The following SELENOI variants were observed in gnomAD, a reference collection of about 807,000 sequenced individuals.
The protein encoded by SELENOI is ethanolaminephosphotransferase 1.
A neutral mutation model predicts 50.7 loss-of-function variants in SELENOI; 24 were observed. The observed-to-expected ratio is 0.47, with a 90% CI of 0.34 to 0.67. The LOEUF is 0.67. Ranked by LOEUF, SELENOI falls within the 30% of genes least tolerant of loss-of-function variation. The pLI is 0.01. For missense variants in SELENOI, 352 were observed against 461.4 expected (o/e 0.76, Z 2.17); for synonymous variants, 155 against 170.2 (o/e 0.91, Z 0.70).
intron 1 of SELENOI, among the ~76,000 whole-genome samples, chr2:26,348,518 CA>C (rs1355101984): frequency 3.9e-5 from 6 of 152,190 alleles, no homozygotes; most frequent in Non-Finnish European, 7.3e-5. Context: ...AACTATAAGA[CA>C]ATTGATTTTT....
intron 4 of SELENOI, among the ~76,000 whole-genome samples, chr2:26,371,769 G>A (rs1422616733): frequency 2.0e-5 from 3 of 152,242 alleles, no homozygotes; most frequent in Admixed American, 6.5e-5. Flanking sequence ...GCTGAGGCAG[G>A]AGAATCAGGC....
rs1024709702 is a variant in SELENOI at position 26,391,405 on chromosome 2, T to C, written c.*2302T>C. The C allele has an allele frequency of 4.6e-5, 7 of 152,350 alleles. No homozygotes were observed. The East Asian group carries it at 5.8e-4, about 13-fold the overall frequency. The allele number at this position is 152,350 out of a possible 1,614,324, so 9.4% of individuals were successfully genotyped here. ...AGCCCCCATTTGTTGTGTAGAGATA[T>C]AGCAGCTGAAGCAGGACTTCATTCC... On this transcript the variant is annotated 3_prime_UTR_variant, in exon 10 of 10. Transcript: ENST00000260585.
intron 1 of SELENOI, among the ~76,000 whole-genome samples, chr2:26,348,740 A>G (rs1339236042): frequency 6.6e-6 from 1 of 150,808 alleles, no homozygotes; most frequent in African/African-American, 2.4e-5. Context: ...GCACAGTACC[A>G]TGAACAGAGT....
chr2:26,351,062 T>TG (rs199750690), intron 1 of SELENOI, among the ~76,000 whole-genome samples: 12,783 of 147,800 alleles, frequency 0.086, 1,665 homozygotes, highest in East Asian at 0.6. Flanking sequence ...TTTGTTTTTT[T>TG]TTTTTTTTTT....
chr2:26,389,303 A>G lies in SELENOI; in HGVS notation c.*200A>G, dbSNP rs1677912747. 5 of 495,930 alleles carry G rather than the reference A, an allele frequency of 1.0e-5. No individual in the cohort carries two copies. The highest frequency in any genetic ancestry group is 3.3e-5 in the South Asian group (1 of 30,386). The allele number at this position is 495,930 out of a possible 1,614,324, so 30.7% of individuals were successfully genotyped here. ...AGCCTATTTTATTTTTTATAAAACT[A>G]TGTGACATTTTGGTTGAGCAGAATG... On this transcript the variant is annotated 3_prime_UTR_variant, in exon 10 of 10. Transcript: ENST00000260585.
chr2:26,365,316 A>T (rs1677265333), intron 3 of SELENOI, among the ~76,000 whole-genome samples: 1 of 152,180 alleles, frequency 6.6e-6, no homozygotes, highest in Non-Finnish European at 1.5e-5. Flanking sequence ...CTTGACTTGA[A>T]TGACTCCTAG....
In SELENOI at chr2:26,392,666, T is replaced by G. The variant is rs1011495014; in HGVS notation, c.*3563T>G. 6.6e-6 allele frequency: 1 copy of G among 152,230 alleles called. No homozygotes were observed. Among genetic ancestry groups the G allele is most frequent in the African/African-American group, 2.4e-5 (1 of 41,450 alleles). The allele number at this position is 152,230 out of a possible 1,614,324, so 9.4% of individuals were successfully genotyped here. On this transcript the variant is annotated 3_prime_UTR_variant, in exon 10 of 10. Transcript: ENST00000260585. ...TGGGAACGTGCCAGGGGGAACAAAG[T>G]AAGCTTGATGGGCTGGAACTTTTGA...
intron 1 of SELENOI, among the ~76,000 whole-genome samples, chr2:26,361,809 A>G (rs1677184958): frequency 6.6e-6 from 1 of 152,010 alleles, no homozygotes; most frequent in Admixed American, 6.6e-5. Context: ...GTATGCCACC[A>G]CACCCGACTA....
chr2:26,386,208 A>G, intron 8 of SELENOI, 146 bp from the exon 9 acceptor site: 1 of 815,096 alleles, frequency 1.2e-6, no homozygotes, highest in Non-Finnish European at 1.9e-6. Context: ...GCCCCTAAGC[A>G]TTGAGAACTT....
At chr2:26,360,387 A>G (rs1258029579) in intron 1 of SELENOI, among the ~76,000 whole-genome samples, 4 of 152,218 alleles carry the variant, frequency 2.6e-5, no homozygotes, top group African/African-American at 9.6e-5. Flanking sequence ...CAATTAGGTA[A>G]ACTGGCCTCC....
At position 26,364,937 on chromosome 2, in the gene SELENOI, T is replaced by C. The variant is rs747124592; in HGVS notation, c.232T>C (p.Ser78Pro). The C allele has an allele frequency of 6.3e-7, 1 of 1,588,484 alleles. No homozygotes were observed. Among genetic ancestry groups the C allele is most frequent in the South Asian group, 1.2e-5 (1 of 86,544 alleles). The change falls in exon 3 of 10, where the codon TCA becomes CCA. Residue 78 changes from serine to proline, a missense_variant. Physicochemically the swap from Ser to Pro is moderately conservative, Grantham distance 74 (BLOSUM62 -1). Transcript: ENST00000260585. ...ATACTTTGATCCTGACTTTTATGCC[T>C]CAGGTAAGAATATTACTTTATTATA... ...MAYFDPDFYA[S>P]APGHKHVPDW...
intron 9 of SELENOI, among the ~76,000 whole-genome samples, chr2:26,388,456 T>G (rs941768361): frequency 2.0e-5 from 3 of 152,174 alleles, no homozygotes; most frequent in African/African-American, 7.2e-5. Flanking sequence ...TGGCCAGAAG[T>G]TAAAACTTGC....
chr2:26,367,216 T>G lies in SELENOI; in HGVS notation c.306T>G (p.Thr102=), dbSNP rs6748996. The part of the protein sequence containing the change: ...VVGILNFVAY[T]LDGVDGKQAR... ...GCATCCTCAACTTCGTAGCCTACAC[T>G]CTAGGTAAGGAATTGGTAAATACTT... Residue 102 remains threonine, a synonymous_variant, in exon 4 of 10, where the codon ACT becomes ACG. Transcript: ENST00000260585. 0.34 allele frequency: 539,368 copies of G among 1,603,774 alleles called. 94,146 individuals carry two copies. The highest frequency in any genetic ancestry group is 0.35 in the Non-Finnish European group (413,592 of 1,174,074).
intron 7 of SELENOI, among the ~76,000 whole-genome samples, chr2:26,383,982 G>A (rs1392993117): frequency 6.6e-6 from 1 of 152,198 alleles, no homozygotes; most frequent in Non-Finnish European, 1.5e-5. Context: ...AGAAGTTCCT[G>A]TCTGGGTTGC....
chr2:26,346,569 A>T, intron 1 of SELENOI: 1 of 317,060 alleles, frequency 3.2e-6, no homozygotes, highest in Non-Finnish European at 5.8e-6. Context: ...TATTTTTTTT[A>T]AACTTATTAT....
In SELENOI at chr2:26,387,555, A is replaced by T. The variant is rs566750046; in HGVS notation, c.1095+1019A>T. Among the ~76,000 whole-genome samples, 11 of 151,594 alleles carry T rather than the reference A, an allele frequency of 7.3e-5. No individual in the cohort carries two copies. The South Asian group carries it at 1.9e-3, about 26-fold the overall frequency. On this transcript the variant is annotated intron_variant, in intron 9 of 9. Transcript: ENST00000260585. ...AAAATACAAAAAAAAAATTAGCCAG[A>T]TGTGGTGGTACAGGCCTGTAGTCCT... is the stretch of plus-strand genomic sequence containing the variant.
At chr2:26,369,194 A>C (rs1677355084) in intron 4 of SELENOI, among the ~76,000 whole-genome samples, 1 of 152,104 alleles carries the variant, frequency 6.6e-6, no homozygotes, top group Admixed American at 6.5e-5. Flanking sequence ...GCTTTATCCT[A>C]AACTCTGGCT....
Position 26,393,764 on chromosome 2 carries a change from A to T in SELENOI, c.*4661A>T, listed in dbSNP as rs1678024567. ...TAGGGTACCTTAATGCTGTGTTGAA[A>T]TTGGAAGCAGACTGCTCTTCAGCAG... On this transcript the variant is annotated 3_prime_UTR_variant, in exon 10 of 10. Coordinates refer to ENST00000260585, the MANE Select transcript of SELENOI (RefSeq NM_033505.4). 1 of 152,190 alleles carries T rather than the reference A, an allele frequency of 6.6e-6. No individual in the cohort carries two copies. The highest frequency in any genetic ancestry group is 2.1e-4 in the South Asian group (1 of 4,832). The allele number at this position is 152,190 out of a possible 1,614,324, so 9.4% of individuals were successfully genotyped here.
rs1678073076 is a variant in SELENOI at position 26,395,584 on chromosome 2, C to T, written c.*6481C>T. ...AGAGCTTCATGGCTTGCTTAAATTA[C>T]TTAGCTGGAATATTTTAAAGTGTCA... On this transcript the variant is annotated 3_prime_UTR_variant, in exon 10 of 10. Coordinates refer to ENST00000260585, the MANE Select transcript of SELENOI (RefSeq NM_033505.4). The T allele has an allele frequency of 6.6e-6, 1 of 152,594 alleles. No individual in the cohort carries two copies. The highest frequency in any genetic ancestry group is 6.5e-5 in the Admixed American group (1 of 15,272). 9.5% of individuals were successfully genotyped at this position (152,594 alleles called of 1,614,324 possible).
Sources: allele counts gnomAD v4.1 joint callset (sites outside exome capture counted in the v4.1 genomes callset), GRCh38; gene constraint gnomAD v4.1.1; transcripts MANE v1.5; gene names NCBI Gene and HGNC (gene_info 2026-07-23, HGNC 2026-07-21).